MAP4K4: variants seen among roughly 807,000 people sequenced by gnomAD.
The protein encoded by MAP4K4 is mitogen-activated protein kinase kinase kinase kinase 4.
MAP4K4 carries 38 observed loss-of-function variants against 189.6 expected under a neutral mutation model. The observed-to-expected ratio is 0.20, with a 90% confidence interval of 0.15 to 0.26. The LOEUF (loss-of-function observed/expected upper bound fraction) is 0.26, where lower values mean the gene tolerates loss of function less well. Ranked by LOEUF, MAP4K4 falls within the 10% of genes least tolerant of loss-of-function variation. The pLI is 1.00. For synonymous variants in MAP4K4, 610 were observed against 624.3 expected, an observed-to-expected ratio of 0.98 and a Z score of 0.34; for missense variants, 1,054 against 1,726.9, an observed-to-expected ratio of 0.61 and a Z score of 6.91.
Position 101,747,111 on chromosome 2 carries a change from C to CT in MAP4K4, c.124-43600dup, listed in dbSNP as rs528458007. Among the ~76,000 whole-genome samples the CT allele has an allele frequency of 5.9e-4, 90 of 151,286 alleles. 1 individual carries two copies. Among genetic ancestry groups the CT allele is most frequent in the South Asian group, 4.4e-3 (21 of 4,768 alleles). On this transcript the variant is annotated intron_variant, in intron 2 of 32. Coordinates refer to ENST00000324219, the Ensembl canonical transcript of MAP4K4. Reference sequence around the variant, plus strand: ...CTGTGACTGCTTTTGTGTCCATATTCTTTTTTTTTGTTTGTTTTGTTTTTT... The same window carrying CT: ...CTGTGACTGCTTTTGTGTCCATATTCTTTTTTTTTTGTTTGTTTTGTTTTTT...
chr2:101,843,532 G>A (rs1338625264), intron 11 of MAP4K4, among the ~76,000 whole-genome samples: 2 of 152,210 alleles, frequency 1.3e-5, no homozygotes, highest in Non-Finnish European at 2.9e-5. Flanking sequence ...TGTTTGCCAT[G>A]CTGCTCTGGA....
At chr2:101,745,618 G>A (rs1470889611) in intron 2 of MAP4K4, among the ~76,000 whole-genome samples, 1 of 151,956 alleles carries the variant, frequency 6.6e-6, no homozygotes, top group African/African-American at 2.4e-5. Context: ...ACTTTTGGGG[G>A]CCCATTTAGA....
intron 20 of MAP4K4, 22 bp from the exon 21 acceptor site, chr2:101,868,007 A>T (rs2097865344): frequency 1.2e-6 from 2 of 1,613,122 alleles, no homozygotes; most frequent in African/African-American, 1.3e-5. Flanking sequence ...CTCGGACTCC[A>T]CGAAACTGCG....
At chr2:101,822,662 C>CT (rs2096137048) in intron 3 of MAP4K4, among the ~76,000 whole-genome samples, 1 of 152,052 alleles carries the variant, frequency 6.6e-6, no homozygotes, top group South Asian at 2.1e-4. Flanking sequence ...TCTAGAGGTG[C>CT]TAGACTGAAG....
intron 8 of MAP4K4, 80 bp downstream of exon 8, chr2:101,834,543 A>G: frequency 9.2e-7 from 1 of 1,087,358 alleles, no homozygotes; most frequent in Non-Finnish European, 1.4e-6. Context: ...AGAACAGCTC[A>G]GCTCCATGGA....
chr2:101,779,848 G>A (rs79329934), intron 2 of MAP4K4, among the ~76,000 whole-genome samples: 48 of 150,522 alleles, frequency 3.2e-4, no homozygotes, highest in East Asian at 1.9e-3. Context: ...ACAGTTATGC[G>A]TAGTGAGTAA....
intron 2 of MAP4K4, among the ~76,000 whole-genome samples, chr2:101,719,039 A>T (rs962534936): frequency 2.0e-5 from 3 of 152,166 alleles, no homozygotes; most frequent in African/African-American, 7.2e-5. Context: ...TACAACTTTC[A>T]GTTGGGACTG....
At chr2:101,710,084 T>G (rs891943282) in intron 2 of MAP4K4, among the ~76,000 whole-genome samples, 2 of 152,244 alleles carry the variant, frequency 1.3e-5, no homozygotes, top group Non-Finnish European at 2.9e-5. Context: ...GTTTTATGAC[T>G]TCAATTTTGA....
At chr2:101,840,570 C>T (rs2096887070) in intron 10 of MAP4K4, among the ~76,000 whole-genome samples, 1 of 152,220 alleles carries the variant, frequency 6.6e-6, no homozygotes, top group Non-Finnish European at 1.5e-5. Flanking sequence ...TGCCCACCTT[C>T]CTGGAATGTT....
At chr2:101,821,538 T>C (rs2096057077) in intron 3 of MAP4K4, among the ~76,000 whole-genome samples, 1 of 152,178 alleles carries the variant, frequency 6.6e-6, no homozygotes, top group Admixed American at 6.5e-5. Flanking sequence ...TCAAAATATG[T>C]TATAAAAGAT....
chr2:101,707,693 G>GGT (rs2043080422), intron 2 of MAP4K4, among the ~76,000 whole-genome samples: 1 of 67,488 alleles, frequency 1.5e-5, no homozygotes, highest in African/African-American at 3.9e-5. Context: ...TTTTTTTTTT[G>GGT]TTTTTTTTTT....
intron 2 of MAP4K4, among the ~76,000 whole-genome samples, chr2:101,702,430 G>A (rs2039393290): frequency 1.3e-5 from 2 of 152,074 alleles, no homozygotes; most frequent in South Asian, 4.1e-4. Flanking sequence ...TTAGCCGGGT[G>A]TAGTGGGGGG....
At chr2:101,892,631 G>T in exon 33 of MAP4K4, 1 of 306,558 alleles carries the variant, frequency 3.3e-6, no homozygotes, top group Middle Eastern at 1.2e-3. Flanking sequence ...ACTATTTTAA[G>T]AATGTAGTTA....
At chr2:101,834,194 CTCCCTCCATCCCTCCA>C (rs568532982) in intron 7 of MAP4K4, among the ~76,000 whole-genome samples, 199 bp from the exon 8 acceptor site, 36 of 125,562 alleles carry the variant, frequency 2.9e-4, no homozygotes, top group South Asian at 8.6e-4. Context: ...CCTCCCTCCC[CTCCCTCCATCCCTCCA>C]TCCCTCCATC....
intron 3 of MAP4K4, among the ~76,000 whole-genome samples, chr2:101,807,759 A>G (rs1227389152): frequency 6.6e-6 from 1 of 152,104 alleles, no homozygotes; most frequent in Non-Finnish European, 1.5e-5. Flanking sequence ...CAAGATAGAG[A>G]AAGAAAGAGT....
chr2:101,813,509 T>C (rs2095552709), intron 3 of MAP4K4, among the ~76,000 whole-genome samples: 1 of 152,246 alleles, frequency 6.6e-6, no homozygotes, highest in South Asian at 2.1e-4. Flanking sequence ...TCATTGGTTG[T>C]CTTCTCCCTC....
chr2:101,797,889 G>GTGTTTTTTTTTTTGTTTTTTTTTTTT (rs1553478618), intron 3 of MAP4K4, among the ~76,000 whole-genome samples: 1 of 52,304 alleles, frequency 1.9e-5, no homozygotes, highest in African/African-American at 7.6e-5. Context: ...CATTCTTTTA[G>GTGTTTTTTTTTTTGTTTTTTTTTTTT]TTTTTTTTTT....
intron 2 of MAP4K4, among the ~76,000 whole-genome samples, chr2:101,715,140 T>G (rs1402313408): frequency 6.6e-6 from 1 of 152,176 alleles, no homozygotes; most frequent in African/African-American, 2.4e-5. Context: ...AGAGTTGGTT[T>G]TTCCTGAGGC....
At chr2:101,864,285 A>G (rs1252419431) in intron 17 of MAP4K4, among the ~76,000 whole-genome samples, 2 of 152,180 alleles carry the variant, frequency 1.3e-5, no homozygotes, top group East Asian at 3.9e-4. Flanking sequence ...AAAATGATGT[A>G]AGAGTAAGTC....
Sources: gnomAD v4.1 joint callset for allele counts (sites outside exome capture counted in the v4.1 genomes callset) on GRCh38, gnomAD v4.1.1 for gene constraint, MANE v1.5 for transcripts, NCBI Gene and HGNC (gene_info 2026-07-23, HGNC 2026-07-21) for gene names.